Variants in ZRANB1 observed in about 807,000 individuals in gnomAD.
ZRANB1 encodes the protein zinc finger RANBP2-type containing 1.
Under a neutral mutation model 80.5 loss-of-function variants are expected in ZRANB1, and 16 were observed. The observed-to-expected ratio is 0.20, with a 90% CI of 0.13 to 0.30. The LOEUF is 0.30. Among genes scored for constraint, ZRANB1 ranks in the 10% least tolerant of loss-of-function variants. The pLI is 1.00. For synonymous variants in ZRANB1, 291 were observed against 293.1 expected (o/e 0.99, Z 0.07); for missense variants, 576 against 862.6 (o/e 0.67, Z 4.16).
chr10:124,966,044 A>C (rs1292538494), intron 1 of ZRANB1, among the ~76,000 whole-genome samples: 1 of 152,202 alleles, frequency 6.6e-6, no homozygotes, highest in African/African-American at 2.4e-5. Context: ...TGAGAATCTG[A>C]AATCAAAATG....
At chr10:124,957,257 TATG>T (rs1951694366) in intron 1 of ZRANB1, among the ~76,000 whole-genome samples, 1 of 152,134 alleles carries the variant, frequency 6.6e-6, no homozygotes, top group Non-Finnish European at 1.5e-5. Flanking sequence ...TGGATTTCCT[TATG>T]ATTAGATTCA....
intron 1 of ZRANB1, among the ~76,000 whole-genome samples, chr10:124,954,620 G>A (rs894932733): frequency 6.7e-6 from 1 of 148,406 alleles, no homozygotes; most frequent in African/African-American, 2.5e-5. Context: ...TCTAATTTTT[G>A]TATTTTTAGT....
chr10:124,962,869 C>T (rs948965936), intron 1 of ZRANB1, among the ~76,000 whole-genome samples: 5 of 152,054 alleles, frequency 3.3e-5, no homozygotes, highest in Admixed American at 6.5e-5. Context: ...TAAAATTAAT[C>T]GTCCCAGAGT....
At chr10:124,928,551 T>A in the ZRANB1 span, among the ~76,000 whole-genome samples, 88 of 152,306 alleles carry the variant, frequency 5.8e-4, 2 homozygotes, top group South Asian at 0.017. Flanking sequence ...ATTGGGCACC[T>A]CCTATGTGAT....
At chr10:124,969,863 G>A (rs903866386) in intron 2 of ZRANB1, among the ~76,000 whole-genome samples, 1 of 152,140 alleles carries the variant, frequency 6.6e-6, no homozygotes, top group Admixed American at 6.5e-5. Flanking sequence ...GGTTGAAGGA[G>A]GTGAGAAGGT....
chr10:124,942,659 T>G lies in ZRANB1; in HGVS notation c.166T>G (p.Ser56Ala). 6.2e-7 allele frequency: 1 copy of G among 1,614,226 alleles called. No homozygotes were observed. The highest frequency in any genetic ancestry group is 8.5e-7 in the Non-Finnish European group (1 of 1,180,042). ...TGATGTTGGTAGAGATTGGGATCCTTCCAGCACCGAAGGAGGAAGTAGTCC... is the reference window on the plus strand; with the variant it reads ...TGATGTTGGTAGAGATTGGGATCCTGCCAGCACCGAAGGAGGAAGTAGTCC... ...SSDVGRDWDP[S>A]STEGGSSPLI... Residue 56 changes from serine (S) to alanine (A), a missense_variant, in exon 1 of 9, where the codon TCC (serine) becomes GCC (alanine). By Grantham distance (99) the Ser-to-Ala change is moderately conservative. Transcript: ENST00000359653.
At chr10:124,971,925 T>C (rs769804415) in intron 2 of ZRANB1, 40 bp from the exon 3 acceptor site, 61 of 1,509,130 alleles carry the variant, frequency 4.0e-5, no homozygotes, top group African/African-American at 8.4e-5. Context: ...CTTCCACTTA[T>C]GATACATGAG....
At chr10:124,928,857 AT>A in the ZRANB1 span, among the ~76,000 whole-genome samples, 2 of 152,232 alleles carry the variant, frequency 1.3e-5, no homozygotes, top group African/African-American at 4.8e-5. Context: ...TTAAACTGAT[AT>A]CTCAATGACA....
chr10:124,931,458 C>T, the ZRANB1 span, among the ~76,000 whole-genome samples: 1 of 151,992 alleles, frequency 6.6e-6, no homozygotes, highest in Non-Finnish European at 1.5e-5. Flanking sequence ...GCAGCCTTTG[C>T]CTCCTAGGTT....
chr10:124,963,123 A>G (rs574268309), intron 1 of ZRANB1, among the ~76,000 whole-genome samples: 1 of 152,034 alleles, frequency 6.6e-6, no homozygotes, highest in East Asian at 1.9e-4. Context: ...AAAATTAGCT[A>G]GGTGTGGTGG....
intron 5 of ZRANB1, among the ~76,000 whole-genome samples, chr10:124,980,268 G>C (rs1951920725): frequency 6.6e-6 from 1 of 152,150 alleles, no homozygotes; most frequent in Admixed American, 6.5e-5. Flanking sequence ...TGGAGACTCT[G>C]GTAGTATCAG....
At chr10:124,934,661 A>G in the ZRANB1 span, among the ~76,000 whole-genome samples, 2 of 152,190 alleles carry the variant, frequency 1.3e-5, no homozygotes, top group African/African-American at 4.8e-5. Flanking sequence ...TGGACATGTT[A>G]AGTGTGAGAA....
At position 124,966,693 on chromosome 10, in the gene ZRANB1, G is replaced by A. The variant is rs1183328341; in HGVS notation, c.914G>A (p.Arg305His). The change falls in exon 2 of 9, where the codon CGT becomes CAT. Residue 305 changes from arginine (R) to histidine (H), a missense_variant. By Grantham distance (29) the Arg-to-His change is conservative (BLOSUM62 0). Coordinates refer to ENST00000359653, the MANE Select transcript of ZRANB1 (RefSeq NM_017580.3). Reference sequence around the variant, plus strand: ...GCAGATGAAGTACGCTTGCTGAATCGTCCTTCTGCCTTTGATGTTGGCTAT... The same window carrying A: ...GCAGATGAAGTACGCTTGCTGAATCATCCTTCTGCCTTTGATGTTGGCTAT... ...LTADEVRLLN[R>H]PSAFDVGYTL... 5 of 1,614,134 alleles carry A rather than the reference G, an allele frequency of 3.1e-6. No homozygotes were observed. The highest frequency in any genetic ancestry group is 4.2e-6 in the Non-Finnish European group (5 of 1,180,010).
chr10:124,952,423 T>C (rs1951647360), intron 1 of ZRANB1, among the ~76,000 whole-genome samples: 1 of 152,142 alleles, frequency 6.6e-6, no homozygotes. Context: ...GCAAGGCTTT[T>C]CTAGAGCCTC....
intron 1 of ZRANB1, among the ~76,000 whole-genome samples, chr10:124,960,425 T>C (rs1347689089): frequency 1.3e-5 from 2 of 152,190 alleles, no homozygotes; most frequent in Non-Finnish European, 2.9e-5. Flanking sequence ...CCTTTCTTCC[T>C]TGCCCCTGCT....
chr10:124,937,711 T>C (rs566835392), upstream of ZRANB1, among the ~76,000 whole-genome samples: 37 of 152,354 alleles, frequency 2.4e-4, no homozygotes, highest in African/African-American at 7.9e-4. Context: ...TTCTGCACTT[T>C]TATTATCTGA....
chr10:124,977,108 C>T (rs1405224878), intron 5 of ZRANB1, among the ~76,000 whole-genome samples: 1 of 151,552 alleles, frequency 6.6e-6, no homozygotes, highest in Non-Finnish European at 1.5e-5. Context: ...GTGGCTGGGA[C>T]TGTAGGAGTG....
At chr10:124,924,848 A>G in the ZRANB1 span, among the ~76,000 whole-genome samples, 2 of 151,488 alleles carry the variant, frequency 1.3e-5, no homozygotes, top group Admixed American at 1.3e-4. Flanking sequence ...GTCATGTGCT[A>G]ATTATGTTTA....
chr10:124,982,025 G>A (rs1283121213), intron 6 of ZRANB1, among the ~76,000 whole-genome samples, 196 bp downstream of exon 6: 3 of 150,120 alleles, frequency 2.0e-5, no homozygotes, highest in Admixed American at 6.6e-5. Flanking sequence ...GATGAGCATC[G>A]CAAGTATAGA....
Sources: gnomAD v4.1 joint callset for allele counts (sites outside exome capture counted in the v4.1 genomes callset) on GRCh38, gnomAD v4.1.1 for gene constraint, MANE v1.5 for transcripts, NCBI Gene and HGNC (gene_info 2026-07-23, HGNC 2026-07-21) for gene names.